Variants in NKAIN4 observed in about 807,000 individuals in gnomAD.
The protein encoded by NKAIN4 is sodium/potassium-transporting ATPase subunit beta-1-interacting protein 4.
A neutral mutation model predicts 28.8 loss-of-function variants in NKAIN4; 28 were observed. That is an observed-to-expected ratio of 0.97 (90% CI 0.72 to 1.33). The LOEUF (loss-of-function observed/expected upper bound fraction) is 1.33. Ranked by LOEUF, NKAIN4 falls within the 40% of genes most tolerant of loss-of-function variation. NKAIN4 has a pLI of 0.00. For missense variants in NKAIN4, 289 were observed against 277.2 expected, an observed-to-expected ratio of 1.04 and a Z score of -0.30; for synonymous variants, 122 against 115.6, an observed-to-expected ratio of 1.06 and a Z score of -0.36.
intron 4 of NKAIN4, among the ~76,000 whole-genome samples, 191 bp from the exon 5 acceptor site, chr20:63,244,275 G>GAT (rs1161805642): frequency 6.6e-6 from 1 of 152,186 alleles, no homozygotes; most frequent in Non-Finnish European, 1.5e-5. Context: ...TCAAGCTCCG[G>GAT]ACGCACCCCT....
At chr20:63,247,294 C>T (rs966238102) in intron 4 of NKAIN4, 56 of 1,368,450 alleles carry the variant, frequency 4.1e-5, no homozygotes, top group Non-Finnish European at 4.8e-5. Flanking sequence ...CGGCCTGATC[C>T]GATTCCTTCC....
intron 1 of NKAIN4, chr20:63,254,104 T>C (rs1183260877): frequency 2.3e-6 from 1 of 426,046 alleles, no homozygotes; most frequent in Non-Finnish European, 4.4e-6. Flanking sequence ...CCCGAAGGCT[T>C]CCGTCCGGCC....
At position 63,250,029 on chromosome 20, in the gene NKAIN4, T is replaced by G; in HGVS notation, c.98A>C (p.Gln33Pro). ...ERQVFDFLGY[Q>P]WAPILANFVH... ...AAAGTTGGCCAGGATGGGCGCCCAC[T>G]GGTAGCCCAGGAAGTCAAACACCTG... The change falls in exon 2 of 7, where the codon CAG (glutamine) becomes CCG (proline). Residue 33 changes from glutamine (Q) to proline (P), a missense_variant. Physicochemically the swap from Gln to Pro is moderately conservative, Grantham distance 76. Transcript: ENST00000370316. The G allele has an allele frequency of 6.2e-7, 1 of 1,603,212 alleles. No homozygotes were observed. Among genetic ancestry groups the G allele is most frequent in the South Asian group, 1.1e-5 (1 of 89,704 alleles).
chr20:63,249,977 T>A lies in NKAIN4; in HGVS notation c.150A>T (p.Gly50=). 6.2e-7 allele frequency: 1 copy of A among 1,612,152 alleles called. No individual in the cohort carries two copies. Among genetic ancestry groups the A allele is most frequent in the South Asian group, 1.1e-5 (1 of 90,976 alleles). The change falls in exon 2 of 7, where the codon GGA becomes GGT. Residue 50 remains glycine, a synonymous_variant. Coordinates refer to ENST00000370316, the MANE Select transcript of NKAIN4 (RefSeq NM_152864.4). ...NFVHIIIVIL[G]LFGTIQYRLR... ...GCCGGTACTGGATGGTGCCGAAGAGTCCCAGGATGACGATGATGATGTGGA... is the reference window on the plus strand; with the variant it reads ...GCCGGTACTGGATGGTGCCGAAGAGACCCAGGATGACGATGATGATGTGGA...
intron 1 of NKAIN4, 25 bp from the exon 2 acceptor site, chr20:63,250,097 A>G (rs1230951272): frequency 6.5e-7 from 1 of 1,545,294 alleles, no homozygotes; most frequent in Non-Finnish European, 8.7e-7. Flanking sequence ...GGCGCCATGA[A>G]GGGTGGACCC....
intron 4 of NKAIN4, among the ~76,000 whole-genome samples, chr20:63,246,053 G>A (rs761050394): frequency 5.9e-5 from 9 of 151,868 alleles, no homozygotes; most frequent in Non-Finnish European, 8.8e-5. Context: ...TCAGCCTCCC[G>A]AGGAGCTGGG....
chr20:63,247,478 C>T (rs13038098), intron 4 of NKAIN4, 100 bp downstream of exon 4: 222,873 of 1,547,608 alleles, frequency 0.14, 17,984 homozygotes, highest in Non-Finnish European at 0.17. Flanking sequence ...ACGCCTGAGG[C>T]CAGGTCAGCT....
chr20:63,254,423 G>C lies in NKAIN4; in HGVS notation c.28C>G (p.Leu10Val). Residue 10 changes from leucine to valine, a missense_variant, in exon 1 of 7, where the codon CTC becomes GTC. Physicochemically the swap from Leu to Val is conservative, Grantham distance 32. Coordinates refer to ENST00000370316, the MANE Select transcript of NKAIN4 (RefSeq NM_152864.4). MGSCSGRCA[L>V]VVLCAFQLVA... ...AGCTGAAAAGCGCAGAGGACGACGA[G>C]CGCGCAGCGGCCGGAGCAGGAGCCC... 1.4e-6 allele frequency: 2 copies of C among 1,441,338 alleles called. No individual in the cohort carries two copies. The highest frequency in any genetic ancestry group is 3.1e-5 in the East Asian group (1 of 32,772). The allele number at this position is 1,441,338 out of a possible 1,614,324, so 89.3% of individuals were successfully genotyped here.
Position 63,248,975 on chromosome 20 carries a change from G to A in NKAIN4, c.193-80C>T, listed in dbSNP as rs2066909252. ...CTTGCATCCAGCCCCCGGGGGAAGG[G>A]GTCCCATGATCGCATAGGAGGGGCG... On this transcript the variant is annotated intron_variant, in intron 2 of 6. Coordinates refer to ENST00000370316, the MANE Select transcript of NKAIN4 (RefSeq NM_152864.4). The A allele has an allele frequency of 1.0e-5, 10 of 973,762 alleles. No homozygotes were observed. The East Asian group carries it at 2.3e-4, about 22-fold the overall frequency. 60.3% of individuals were successfully genotyped at this position (973,762 alleles called of 1,614,324 possible). A position where few individuals can be genotyped will look rare whatever the true frequency, so the allele number is the denominator to read the frequency against.
intron 4 of NKAIN4, 92 bp downstream of exon 4, chr20:63,247,478 CCAGGTCAG>C: frequency 6.5e-7 from 1 of 1,547,792 alleles, no homozygotes. Context: ...ACGCCTGAGG[CCAGGTCAG>C]CTGGCCCCGC....
At chr20:63,247,242 C>A in intron 4 of NKAIN4, 1 of 1,243,846 alleles carries the variant, frequency 8.0e-7, no homozygotes, top group South Asian at 1.7e-5. Flanking sequence ...AAGATGCATG[C>A]CCCTCCTCCT....
At chr20:63,254,786 T>G, upstream of NKAIN4, 1 of 223,076 alleles carries the variant, frequency 4.5e-6, no homozygotes, top group Non-Finnish European at 8.8e-6. Flanking sequence ...GCGGCAGGGA[T>G]GACCGGCGTC....
At chr20:63,250,970 CG>C (rs1414382418) in intron 1 of NKAIN4, among the ~76,000 whole-genome samples, 1 of 151,102 alleles carries the variant, frequency 6.6e-6, no homozygotes, top group Non-Finnish European at 1.5e-5. Context: ...CACCTGGGCC[CG>C]GGGGACCACT....
At position 63,242,787 on chromosome 20, in the gene NKAIN4, G is replaced by T. The variant is rs975192410; in HGVS notation, c.533-164C>A. ...CAGAGGGAACATGGCCTGGGGGGAC[G>T]GGGGGGGTGGGACACCCGGGTCCTC... is the stretch of plus-strand genomic sequence containing the variant. On this transcript the variant is annotated intron_variant, in intron 5 of 6. Coordinates refer to ENST00000370316, the MANE Select transcript of NKAIN4 (RefSeq NM_152864.4). 3.0e-4 allele frequency among the ~76,000 whole-genome samples: 29 copies of T among 97,558 alleles called. No individual in the cohort carries two copies. In the Middle Eastern group the frequency reaches 0.018, roughly 62 times the overall value. 64.0% of individuals were successfully genotyped at this position (97,558 alleles called of 152,430 possible). A position where few individuals can be genotyped will look rare whatever the true frequency, so the allele number is the denominator to read the frequency against.
rs753862854 is a variant in NKAIN4 at position 63,248,917 on chromosome 20, G to A, written c.193-22C>T. The A allele has an allele frequency of 7.6e-6, 12 of 1,580,322 alleles. No individual in the cohort carries two copies. In the African/African-American group the frequency reaches 1.3e-4, roughly 18 times the overall value. On this transcript the variant is annotated intron_variant, in intron 2 of 6. Coordinates refer to ENST00000370316, the MANE Select transcript of NKAIN4 (RefSeq NM_152864.4). ...TGTACTAGGGAGAGGAGAGGATGGG[G>A]CGGCAGCTGAACACAGCTCCCGGGC...
rs979433257 is a variant in NKAIN4 at position 63,247,602 on chromosome 20, G to A, written c.447C>T (p.His149=). Residue 149 remains histidine, a synonymous_variant, in exon 4 of 7, where the codon CAC becomes CAT. Coordinates refer to ENST00000370316, the MANE Select transcript of NKAIN4 (RefSeq NM_152864.4). ...ALEPSYVEAL[H]SCLQILIALL... ...CCGCGATCAGGATCTGCAGGCAACT[G>A]TGTAGGGCCTCCACATAGCTGGGCT... 1.3e-5 allele frequency: 20 copies of A among 1,547,946 alleles called. No individual in the cohort carries two copies. In the Admixed American group the frequency reaches 3.9e-4, roughly 30 times the overall value.
intron 3 of NKAIN4, 95 bp from the exon 4 acceptor site, chr20:63,247,870 G>C (rs562335710): frequency 6.6e-5 from 91 of 1,387,664 alleles, no homozygotes; most frequent in Non-Finnish European, 7.9e-5. Flanking sequence ...ACCGAGGCAA[G>C]GGGAGGTCCT....
At position 63,247,274 on chromosome 20, in the gene NKAIN4, C is replaced by T. The variant is rs2066876194; in HGVS notation, c.471+304G>A. On this transcript the variant is annotated intron_variant, in intron 4 of 6. Transcript: ENST00000370316. The stretch of plus-strand genomic sequence containing the variant: ...TCCTTGGGGCCGTCAAAGCCAGAGG[C>T]GGGGTGTCTCGGCCTGATCCGATTC... 7 of 1,309,848 alleles carry T rather than the reference C, an allele frequency of 5.3e-6. No individual in the cohort carries two copies. The South Asian group carries it at 6.6e-5, about 12-fold the overall frequency. 81.1% of individuals were successfully genotyped at this position (1,309,848 alleles called of 1,614,324 possible).
At chr20:63,248,959 A>G in intron 2 of NKAIN4, 64 bp from the exon 3 acceptor site, 1 of 1,127,602 alleles carries the variant, frequency 8.9e-7, no homozygotes, top group East Asian at 2.4e-5. Flanking sequence ...GCTTGCATCC[A>G]GCCCCCGGGG....
Sources: allele counts gnomAD v4.1 joint callset (sites outside exome capture counted in the v4.1 genomes callset), GRCh38; gene constraint gnomAD v4.1.1; transcripts MANE v1.5; gene names NCBI Gene and HGNC (gene_info 2026-07-23, HGNC 2026-07-21).